The following RBFOX1 variants were observed in gnomAD, a reference collection of about 807,000 sequenced individuals.
RBFOX1 encodes the protein RNA binding fox-1 homolog 1, also known as RNA binding protein fox-1 homolog 1.
In RBFOX1, 8 loss-of-function variants were observed where a neutral mutation model predicts 57.7. The ratio of observed to expected loss-of-function variants is 0.14; its 90% CI spans 0.08 to 0.25. The LOEUF (loss-of-function observed/expected upper bound fraction) is 0.25. RBFOX1 is among the 10% of genes least tolerant of loss of function. The pLI, the probability that RBFOX1 is intolerant of heterozygous loss-of-function variation, is 1.00. For missense variants in RBFOX1, 611 were observed against 548.5 expected, an observed-to-expected ratio of 1.11 and a Z score of -1.14; for synonymous variants, 326 against 222.4, an observed-to-expected ratio of 1.47 and a Z score of -4.15.
chr16:7,019,587 C>T (rs1033349539), intron 3 of RBFOX1, among the ~76,000 whole-genome samples: 7 of 152,150 alleles, frequency 4.6e-5, no homozygotes, highest in Admixed American at 4.6e-4. Context: ...ATGATCTGTT[C>T]TGTGAATACG....
chr16:7,110,733 T>A (rs370445503), intron 4 of RBFOX1, among the ~76,000 whole-genome samples: 2 of 152,050 alleles, frequency 1.3e-5, no homozygotes, highest in East Asian at 1.9e-4. Context: ...AAAACAAGAT[T>A]TTTGAGTTTT....
chr16:7,631,705 C>T (rs1433304634), intron 11 of RBFOX1, among the ~76,000 whole-genome samples: 3 of 152,092 alleles, frequency 2.0e-5, no homozygotes, highest in Non-Finnish European at 4.4e-5. Context: ...GAGTACCAGG[C>T]TCAAGGGATA....
At chr16:6,899,906 C>G (rs372181376) in intron 3 of RBFOX1, among the ~76,000 whole-genome samples, 1 of 152,014 alleles carries the variant, frequency 6.6e-6, no homozygotes, top group African/African-American at 2.4e-5. Context: ...ATTTTTTTGC[C>G]CATGTTCTGA....
chr16:5,333,123 G>C (rs925447887), intron 1 of RBFOX1, among the ~76,000 whole-genome samples: 1 of 152,168 alleles, frequency 6.6e-6, no homozygotes, highest in African/African-American at 2.4e-5. Flanking sequence ...AGGAGGTGGA[G>C]GTTGCAGTGA....
At chr16:6,395,853 C>G (rs777608059) in intron 2 of RBFOX1, among the ~76,000 whole-genome samples, 1 of 151,814 alleles carries the variant, frequency 6.6e-6, no homozygotes, top group Non-Finnish European at 1.5e-5. Context: ...ATTGCCTGAG[C>G]TCAGGAGTTC....
intron 1 of RBFOX1, among the ~76,000 whole-genome samples, chr16:6,108,593 G>T (rs2096409161): frequency 6.6e-6 from 1 of 152,164 alleles, no homozygotes; most frequent in Non-Finnish European, 1.5e-5. Flanking sequence ...GTTCTTTGGT[G>T]CAATAAATTG....
chr16:7,198,559 G>A (rs1342469035), intron 4 of RBFOX1, among the ~76,000 whole-genome samples: 1 of 152,184 alleles, frequency 6.6e-6, no homozygotes, highest in Non-Finnish European at 1.5e-5. Context: ...CAATCAAAGT[G>A]TATTTGGCTC....
At chr16:6,637,827 CT>C (rs999750792) in intron 2 of RBFOX1, among the ~76,000 whole-genome samples, 4 of 151,888 alleles carry the variant, frequency 2.6e-5, no homozygotes, top group African/African-American at 9.7e-5. Context: ...CTTGGAGGTC[CT>C]TTCTGCACTG....
chr16:7,166,827 C>T (rs954921258), intron 4 of RBFOX1, among the ~76,000 whole-genome samples: 1 of 152,036 alleles, frequency 6.6e-6, no homozygotes, highest in Admixed American at 6.6e-5. Flanking sequence ...GCATCTCTCC[C>T]AGGTTGTGAA....
chr16:5,779,563 C>T lies in RBFOX1; in HGVS notation c.319-87740C>T, dbSNP rs558443114. 7.7e-3 allele frequency among the ~76,000 whole-genome samples: 1,177 copies of T among 152,270 alleles called. 4 individuals carry two copies. Among genetic ancestry groups the T allele is most frequent in the Non-Finnish European group, 0.013 (870 of 68,024 alleles). ...TCCATGTATCCAAGTATCCCTATAC[C>T]TTTGTGGGTGCTTATTTGGAGAGTT... On this transcript the variant is annotated intron_variant, in intron 3 of 19. Transcript: ENST00000641259.
chr16:7,001,562 T>A (rs1271609716), intron 3 of RBFOX1, among the ~76,000 whole-genome samples: 1 of 152,156 alleles, frequency 6.6e-6, no homozygotes, highest in Non-Finnish European at 1.5e-5. Context: ...GTTCAAGTGA[T>A]GCTCCTACAT....
chr16:6,848,128 C>A (rs958622882), intron 3 of RBFOX1, among the ~76,000 whole-genome samples: 1 of 151,916 alleles, frequency 6.6e-6, no homozygotes, highest in Non-Finnish European at 1.5e-5. Context: ...TCATTGTGCC[C>A]GATCCAAGAC....
At chr16:6,612,602 A>G (rs1386799300) in intron 2 of RBFOX1, among the ~76,000 whole-genome samples, 1 of 152,108 alleles carries the variant, frequency 6.6e-6, no homozygotes, top group Non-Finnish European at 1.5e-5. Context: ...CTGTAATCCC[A>G]GCACTTTGGA....
chr16:6,279,298 A>G (rs904016247), intron 1 of RBFOX1, among the ~76,000 whole-genome samples: 18 of 152,206 alleles, frequency 1.2e-4, no homozygotes, highest in African/African-American at 4.3e-4. Flanking sequence ...TCCTCATTAG[A>G]GCCATAAATA....
intron 3 of RBFOX1, among the ~76,000 whole-genome samples, chr16:6,701,201 C>T (rs1193768797): frequency 6.6e-6 from 1 of 152,066 alleles, no homozygotes; most frequent in Non-Finnish European, 1.5e-5. Context: ...TCCTACCTCT[C>T]TCAGTCATTG....
intron 1 of RBFOX1, among the ~76,000 whole-genome samples, chr16:6,154,859 TA>T (rs376147832): frequency 5.1e-4 from 78 of 152,262 alleles, no homozygotes; most frequent in African/African-American, 1.8e-3. Context: ...CAAAACAATG[TA>T]AAAAAATGAA....
At chr16:6,877,787 A>T (rs895520533) in intron 3 of RBFOX1, among the ~76,000 whole-genome samples, 4 of 152,004 alleles carry the variant, frequency 2.6e-5, no homozygotes, top group African/African-American at 9.7e-5. Flanking sequence ...TAACGCATGC[A>T]GTTACATTTT....
intron 2 of RBFOX1, among the ~76,000 whole-genome samples, chr16:5,546,247 T>C (rs1291739281): frequency 6.6e-6 from 1 of 152,182 alleles, no homozygotes. Context: ...TTCTCCCAAA[T>C]TGATCTACAG....
At chr16:7,235,726 G>C (rs974395401) in intron 4 of RBFOX1, among the ~76,000 whole-genome samples, 1 of 152,104 alleles carries the variant, frequency 6.6e-6, no homozygotes, top group Non-Finnish European at 1.5e-5. Context: ...TTCCTGCCTT[G>C]CAATTTATAT....
Sources: allele counts gnomAD v4.1 joint callset (sites outside exome capture counted in the v4.1 genomes callset), GRCh38; gene constraint gnomAD v4.1.1; transcripts MANE v1.5; gene names NCBI Gene and HGNC (gene_info 2026-07-23, HGNC 2026-07-21).